The following FGF13 variants were observed in gnomAD, a reference collection of about 807,000 sequenced individuals.
FGF13 encodes fibroblast growth factor 13, also known as fibroblast growth factor homologous factor 2.
A neutral mutation model predicts 19.5 loss-of-function variants in FGF13; 2 were observed. The ratio of observed to expected loss-of-function variants is 0.10; its 90% CI spans 0.04 to 0.32. The LOEUF (loss-of-function observed/expected upper bound fraction) is 0.32, where lower values mean the gene tolerates loss of function less well. Ranked by LOEUF, FGF13 falls within the 10% of genes least tolerant of loss-of-function variation. The pLI, the probability that FGF13 is intolerant of heterozygous loss-of-function variation, is 1.00. For synonymous variants in FGF13, 72 were observed against 76.9 expected (o/e 0.94, Z 0.33); for missense variants, 113 against 192.7 (o/e 0.59, Z 2.45).
chrX:138,988,446 T>C (rs2092002219), intron 1 of FGF13, among the ~76,000 whole-genome samples: 2 of 112,455 alleles, frequency 1.8e-5, no homozygotes, highest in African/African-American at 3.2e-5. Flanking sequence ...GCTCCTCAGC[T>C]GGGATCTCTA....
In FGF13 at chrX:138,703,580, T is replaced by G. The variant is rs757681819; in HGVS notation, c.299-493A>C. On this transcript the variant is annotated intron_variant, in intron 2 of 4. Coordinates refer to ENST00000315930, the MANE Select transcript of FGF13 (RefSeq NM_004114.5). ...TAAAATCTACCTGTTGGGTAGAGAG[T>G]CCTAGACTTTTAGAAGAGTCCAATG... Among the ~76,000 whole-genome samples the G allele has an allele frequency of 2.7e-5, 3 of 112,298 alleles. No homozygotes were observed. In the South Asian group the frequency reaches 1.1e-3, roughly 41 times the overall value.
At chrX:139,021,777 T>A (rs1164911649) in intron 1 of FGF13, among the ~76,000 whole-genome samples, 1 of 111,722 alleles carries the variant, frequency 9.0e-6, no homozygotes, top group Non-Finnish European at 1.9e-5. Flanking sequence ...CCTACCAGCC[T>A]GTGTGTTCAG....
chrX:138,662,919 T>C, intron 3 of FGF13, among the ~76,000 whole-genome samples: 1 of 111,438 alleles, frequency 9.0e-6, no homozygotes, highest in Admixed American at 9.5e-5. Context: ...GGCTCTGAGC[T>C]TTCACATTTC....
In FGF13 at chrX:138,864,127, T is replaced by G. The variant is rs541026825; in HGVS notation, c.-39+450A>C. Among the ~76,000 whole-genome samples the G allele has an allele frequency of 9.5e-4, 106 of 111,953 alleles. 4 individuals are homozygous for G. The South Asian group carries it at 0.039, about 41-fold the overall frequency. Reference sequence around the variant, plus strand: ...CCCGCCCTGACAACTGAAGGCAAAATTGCCTTATTTGAGAATCACTGGACT... The same window carrying G: ...CCCGCCCTGACAACTGAAGGCAAAAGTGCCTTATTTGAGAATCACTGGACT... On this transcript the variant is annotated intron_variant, in intron 2 of 2. Coordinates refer to the FGF13 transcript ENST00000421460.
At chrX:138,662,303 T>C (rs886099937) in intron 3 of FGF13, among the ~76,000 whole-genome samples, 2 of 111,648 alleles carry the variant, frequency 1.8e-5, no homozygotes, top group African/African-American at 6.5e-5. Flanking sequence ...CAGTAATAGG[T>C]AATGACAAGT....
At chrX:138,966,269 C>G (rs2091894651) in intron 1 of FGF13, among the ~76,000 whole-genome samples, 1 of 112,014 alleles carries the variant, frequency 8.9e-6, no homozygotes, top group Admixed American at 9.4e-5. Flanking sequence ...GATCCACAGA[C>G]AGCTTGTACT....
intron 3 of FGF13, among the ~76,000 whole-genome samples, chrX:138,850,546 CT>C (rs2091214523): frequency 8.9e-6 from 1 of 111,990 alleles, no homozygotes; most frequent in Non-Finnish European, 1.9e-5. Flanking sequence ...TCTTGTGACT[CT>C]GCAATTAAGC....
At chrX:138,885,351 T>C (rs2091446463) in intron 1 of FGF13, among the ~76,000 whole-genome samples, 1 of 111,561 alleles carries the variant, frequency 9.0e-6, no homozygotes. Flanking sequence ...CCCCAGTGCT[T>C]CTGCTATAGA....
At chrX:138,662,594 G>A (rs1419789835) in intron 3 of FGF13, among the ~76,000 whole-genome samples, 1 of 111,677 alleles carries the variant, frequency 9.0e-6, no homozygotes, top group Non-Finnish European at 1.9e-5. Context: ...GCATAAAATG[G>A]AATTCAGGTA....
chrX:139,071,623 C>G (rs1423471385), intron 1 of FGF13, among the ~76,000 whole-genome samples: 1 of 111,613 alleles, frequency 9.0e-6, no homozygotes, highest in Non-Finnish European at 1.9e-5. Flanking sequence ...ACAACTCACA[C>G]TTTCTTTGTT....
At chrX:138,672,421 C>T (rs141899686) in intron 3 of FGF13, among the ~76,000 whole-genome samples, 1,657 of 111,061 alleles carry the variant, frequency 0.015, 22 homozygotes, top group African/African-American at 0.051. Context: ...TGAAAGAAAG[C>T]CAAAGATTTG....
chrX:138,714,483 T>C (rs1311461198), upstream of FGF13, among the ~76,000 whole-genome samples: 1 of 111,275 alleles, frequency 9.0e-6, no homozygotes, highest in Non-Finnish European at 1.9e-5. Flanking sequence ...CTGTCTCTAC[T>C]AAAAATACAA....
At chrX:138,771,636 A>G (rs1602820096) in intron 3 of FGF13, among the ~76,000 whole-genome samples, 1 of 110,978 alleles carries the variant, frequency 9.0e-6, no homozygotes, top group African/African-American at 3.3e-5. Flanking sequence ...TGGGGTAGTA[A>G]TTAATAGAGA....
At chrX:138,634,321 C>T (rs1405956387) in intron 4 of FGF13, among the ~76,000 whole-genome samples, 1 of 112,145 alleles carries the variant, frequency 8.9e-6, no homozygotes, top group Non-Finnish European at 1.9e-5. Flanking sequence ...TCGTGATCCG[C>T]CCGCCTCGGC....
At chrX:138,959,270 C>T (rs1053296986) in intron 1 of FGF13, among the ~76,000 whole-genome samples, 16 of 111,735 alleles carry the variant, frequency 1.4e-4, no homozygotes, top group South Asian at 3.7e-4. Context: ...GCCTTCATTT[C>T]GTTATGTACC....
chrX:138,868,411 T>A (rs1230747478), intron 1 of FGF13, among the ~76,000 whole-genome samples: 1 of 110,664 alleles, frequency 9.0e-6, no homozygotes, highest in African/African-American at 3.3e-5. Flanking sequence ...CACGTGTGTG[T>A]GAGGCTGGAC....
chrX:138,850,635 T>G (rs1173343405), intron 3 of FGF13, among the ~76,000 whole-genome samples: 1 of 112,004 alleles, frequency 8.9e-6, no homozygotes, highest in Non-Finnish European at 1.9e-5. Flanking sequence ...AAAGGCAGGG[T>G]GGCCCTAAGT....
intron 1 of FGF13, among the ~76,000 whole-genome samples, chrX:139,068,977 G>C (rs1227500935): frequency 9.2e-6 from 1 of 108,543 alleles, no homozygotes; most frequent in Non-Finnish European, 1.9e-5. Context: ...GTGCTGGAGA[G>C]GATGTGGAGA....
At chrX:139,009,829 G>A (rs2092120377) in intron 1 of FGF13, among the ~76,000 whole-genome samples, 1 of 111,480 alleles carries the variant, frequency 9.0e-6, no homozygotes, top group South Asian at 3.8e-4. Context: ...AATGTAATGG[G>A]CCTAAATACT....
Sources: gnomAD v4.1 joint callset for allele counts (sites outside exome capture counted in the v4.1 genomes callset) on GRCh38, gnomAD v4.1.1 for gene constraint, MANE v1.5 for transcripts, NCBI Gene and HGNC (gene_info 2026-07-23, HGNC 2026-07-21) for gene names.